Variants in KCNH7 observed in about 807,000 individuals in gnomAD.
KCNH7 encodes the protein voltage-gated inwardly rectifying potassium channel KCNH7.
Under a neutral mutation model 120.8 loss-of-function variants are expected in KCNH7, and 49 were observed. The ratio of observed to expected loss-of-function variants is 0.41; its 90% CI spans 0.32 to 0.51. The LOEUF (loss-of-function observed/expected upper bound fraction) is 0.51. Among genes scored for constraint, KCNH7 ranks in the 20% least tolerant of loss-of-function variants. KCNH7 has a pLI of 0.38. For missense variants in KCNH7, 1,097 were observed against 1,446.6 expected (o/e 0.76, Z 3.92); for synonymous variants, 547 against 516.1 (o/e 1.06, Z -0.81).
At chr2:162,587,147 T>C (rs1694047154) in intron 2 of KCNH7, among the ~76,000 whole-genome samples, 2 of 152,120 alleles carry the variant, frequency 1.3e-5, no homozygotes, top group African/African-American at 4.8e-5. Flanking sequence ...TTTCTGCTTG[T>C]TTATTATGCC....
chr2:162,471,369 T>C (rs1689521638), intron 6 of KCNH7, among the ~76,000 whole-genome samples: 1 of 152,170 alleles, frequency 6.6e-6, no homozygotes, highest in African/African-American at 2.4e-5. Flanking sequence ...CCTGTGTATA[T>C]ATTTGCATGT....
chr2:162,601,058 G>A lies in KCNH7; in HGVS notation c.308-63978C>T, dbSNP rs117034375. ...CAATAAGAACTTAGCCAAAAGGAAA[G>A]GGGAAAAAAGGGTAACTCATATTGT... On this transcript the variant is annotated intron_variant, in intron 2 of 15. Coordinates refer to ENST00000332142, the MANE Select transcript of KCNH7 (RefSeq NM_033272.4). Among the ~76,000 whole-genome samples, 284 of 151,972 alleles carry A rather than the reference G, an allele frequency of 1.9e-3. No homozygotes were observed. In the East Asian group the frequency reaches 0.026, roughly 14 times the overall value.
intron 2 of KCNH7, among the ~76,000 whole-genome samples, chr2:162,775,598 A>C (rs1683205907): frequency 6.6e-6 from 1 of 152,208 alleles, no homozygotes; most frequent in Middle Eastern, 3.2e-3. Flanking sequence ...AGAGAATGCA[A>C]AGAAAAGGAA....
At chr2:162,421,840 T>G (rs1687716396) in intron 9 of KCNH7, among the ~76,000 whole-genome samples, 1 of 152,130 alleles carries the variant, frequency 6.6e-6, no homozygotes, top group South Asian at 2.1e-4. Flanking sequence ...AAATAATTGT[T>G]TTGCTACTGT....
intron 6 of KCNH7, among the ~76,000 whole-genome samples, chr2:162,450,195 C>A (rs1216625361): frequency 6.6e-6 from 1 of 151,960 alleles, no homozygotes; most frequent in Non-Finnish European, 1.5e-5. Flanking sequence ...AAATATTTTT[C>A]TTTACTTAAG....
At chr2:162,483,167 C>A (rs1488096531) in intron 6 of KCNH7, among the ~76,000 whole-genome samples, 2 of 152,010 alleles carry the variant, frequency 1.3e-5, no homozygotes, top group Non-Finnish European at 2.9e-5. Context: ...GTCCAAATAG[C>A]TAATTTAATA....
intron 2 of KCNH7, among the ~76,000 whole-genome samples, chr2:162,594,471 T>C (rs976420937): frequency 6.6e-6 from 1 of 152,000 alleles, no homozygotes; most frequent in Non-Finnish European, 1.5e-5. Flanking sequence ...AGGCCAGCAT[T>C]ACTGTAATAA....
intron 6 of KCNH7, among the ~76,000 whole-genome samples, chr2:162,491,878 G>A (rs1306049261): frequency 6.6e-6 from 1 of 151,974 alleles, no homozygotes; most frequent in Non-Finnish European, 1.5e-5. Flanking sequence ...GATTCCTTTG[G>A]GGAAAAAAAG....
chr2:162,676,313 C>A (rs1185884205), intron 2 of KCNH7, among the ~76,000 whole-genome samples: 3 of 151,500 alleles, frequency 2.0e-5, no homozygotes, highest in Admixed American at 6.6e-5. Context: ...ATGAAGTAAT[C>A]TCTTGGTAAA....
chr2:162,813,955 A>G (rs1684824136), intron 2 of KCNH7, among the ~76,000 whole-genome samples: 1 of 152,150 alleles, frequency 6.6e-6, no homozygotes, highest in Admixed American at 6.6e-5. Context: ...ATATGTCTAC[A>G]GTAAAAAAAA....
At chr2:162,798,797 A>T (rs1434729345) in intron 2 of KCNH7, among the ~76,000 whole-genome samples, 5 of 151,348 alleles carry the variant, frequency 3.3e-5, no homozygotes, top group African/African-American at 4.8e-5. Context: ...TTTTACACTA[A>T]TTTTTTTCCT....
intron 2 of KCNH7, among the ~76,000 whole-genome samples, chr2:162,817,482 G>A (rs749799697): frequency 6.6e-6 from 1 of 151,848 alleles, no homozygotes; most frequent in Non-Finnish European, 1.5e-5. Flanking sequence ...AGACTTTTAG[G>A]TTGTTTCCAG....
chr2:162,458,840 C>CA (rs1431985646), intron 6 of KCNH7, among the ~76,000 whole-genome samples: 1 of 151,536 alleles, frequency 6.6e-6, no homozygotes, highest in Non-Finnish European at 1.5e-5. Context: ...TTTGTTTCTA[C>CA]AAAAAATACA....
At chr2:162,426,396 T>A (rs919023566) in intron 8 of KCNH7, among the ~76,000 whole-genome samples, 2 of 152,172 alleles carry the variant, frequency 1.3e-5, no homozygotes, top group African/African-American at 4.8e-5. Context: ...ATTATTTAGT[T>A]GATGCCCAAC....
At chr2:162,722,338 T>C (rs927894687) in intron 2 of KCNH7, among the ~76,000 whole-genome samples, 1 of 151,898 alleles carries the variant, frequency 6.6e-6, no homozygotes, top group African/African-American at 2.4e-5. Context: ...AAGTACAAGA[T>C]GAAAAAATCC....
intron 2 of KCNH7, among the ~76,000 whole-genome samples, chr2:162,673,942 A>G (rs1435283046): frequency 6.6e-6 from 1 of 152,032 alleles, no homozygotes; most frequent in African/African-American, 2.4e-5. Context: ...AAACATACTT[A>G]CATAAGTACT....
intron 2 of KCNH7, among the ~76,000 whole-genome samples, chr2:162,735,871 G>A (rs1414407996): frequency 6.6e-6 from 1 of 152,146 alleles, no homozygotes; most frequent in African/African-American, 2.4e-5. Flanking sequence ...GTCAAGCTGT[G>A]ACAATTTTAC....
chr2:162,460,602 C>T (rs931808009), intron 6 of KCNH7, among the ~76,000 whole-genome samples: 1 of 152,138 alleles, frequency 6.6e-6, no homozygotes, highest in Non-Finnish European at 1.5e-5. Flanking sequence ...ACCAAGATTT[C>T]TAACAACATC....
Position 162,748,926 on chromosome 2 carries a change from CT to C in KCNH7, c.307+87610del, listed in dbSNP as rs1400754816. Among the ~76,000 whole-genome samples the C allele has an allele frequency of 8.6e-3, 360 of 42,084 alleles. 3 individuals carry two copies. Among genetic ancestry groups the C allele is most frequent in the African/African-American group, 0.062 (283 of 4,580 alleles). The allele number at this position is 42,084 out of a possible 152,430, so 27.6% of individuals were successfully genotyped here. A position where few individuals can be genotyped will look rare whatever the true frequency, so the allele number is the denominator to read the frequency against. ...TCCTTCCTTCCTTCCCTTCCCTTTC[CT>C]TTCCTTCCTTCCTTCCTTCCTTCCT... On this transcript the variant is annotated intron_variant, in intron 2 of 15. Transcript: ENST00000332142.
Sources: gnomAD v4.1 joint callset for allele counts (sites outside exome capture counted in the v4.1 genomes callset) on GRCh38, gnomAD v4.1.1 for gene constraint, MANE v1.5 for transcripts, NCBI Gene and HGNC (gene_info 2026-07-23, HGNC 2026-07-21) for gene names.